BTAF1: variants seen among roughly 807,000 people sequenced by gnomAD.
BTAF1 encodes the protein TATA-binding protein-associated factor 172.
In BTAF1, 38 loss-of-function variants were observed where a neutral mutation model predicts 227.1. The ratio of observed to expected loss-of-function variants is 0.17; its 90% CI spans 0.13 to 0.22. The LOEUF is 0.22. Among genes scored for constraint, BTAF1 ranks in the 10% least tolerant of loss-of-function variants. The pLI is 1.00. For synonymous variants in BTAF1, 742 were observed against 751.9 expected, an observed-to-expected ratio of 0.99 and a Z score of 0.21; for missense variants, 1,598 against 2,204.0, an observed-to-expected ratio of 0.73 and a Z score of 5.51.
At chr10:92,011,686 A>G (rs1250282966) in intron 30 of BTAF1, among the ~76,000 whole-genome samples, 1 of 152,010 alleles carries the variant, frequency 6.6e-6, no homozygotes, top group Non-Finnish European at 1.5e-5. Context: ...ATCAGACTCT[A>G]CTCCACACTG....
intron 25 of BTAF1, among the ~76,000 whole-genome samples, chr10:92,001,226 A>G (rs1849504318): frequency 6.6e-6 from 1 of 152,202 alleles, no homozygotes; most frequent in Admixed American, 6.5e-5. Context: ...AGACAGAATT[A>G]GCAAAACAGA....
Position 91,962,549 on chromosome 10 carries a change from T to TA in BTAF1, c.1276dup (p.Thr426AsnfsTer5). 1 of 1,547,700 alleles carries TA rather than the reference T, an allele frequency of 6.5e-7. No individual in the cohort carries two copies. Among genetic ancestry groups the TA allele is most frequent in the Non-Finnish European group, 8.9e-7 (1 of 1,126,302 alleles). On this transcript the variant is annotated frameshift_variant, in exon 12 of 38. Transcript: ENST00000265990. LOFTEE classifies it high-confidence loss of function. The stretch of plus-strand genomic sequence containing the variant: ...GTACTGTTTTACAGGATGTAATTAA[T>TA]ACTTTATTGCCTAAAGTTTTAACTA...
chr10:91,943,502 A>G (rs929779792), intron 4 of BTAF1, among the ~76,000 whole-genome samples: 1 of 152,224 alleles, frequency 6.6e-6, no homozygotes, highest in African/African-American at 2.4e-5. Context: ...ACAAAACAGA[A>G]TAACACTCTG....
At chr10:91,971,060 TC>T (rs1354633645) in intron 14 of BTAF1, among the ~76,000 whole-genome samples, 9 of 152,366 alleles carry the variant, frequency 5.9e-5, no homozygotes, top group African/African-American at 2.2e-4. Context: ...TCCATATTTT[TC>T]TTCCAGTTAT....
chr10:91,957,119 C>A, intron 7 of BTAF1, 106 bp from the exon 8 acceptor site: 1 of 747,440 alleles, frequency 1.3e-6, no homozygotes, highest in South Asian at 2.5e-5. Context: ...TTTTTAAAAG[C>A]CTGATTGCTA....
rs1849510598 is a variant in BTAF1, at chr10:92,001,303, AG to A, written c.3660+3558del. ...CAGAGAGAAAGCTCCAGAGGTCCACAGGGGGGTTCTCCCAAGCCTTTGGCTG... is the reference window on the plus strand; with the variant it reads ...CAGAGAGAAAGCTCCAGAGGTCCACAGGGGGTTCTCCCAAGCCTTTGGCTG... On this transcript the variant is annotated intron_variant, in intron 25 of 37. Transcript: ENST00000265990. Among the ~76,000 whole-genome samples, 4 of 152,176 alleles carry A rather than the reference AG, an allele frequency of 2.6e-5. No individual in the cohort carries two copies. In the South Asian group the frequency reaches 8.3e-4, roughly 32 times the overall value.
At chr10:91,992,416 A>C in intron 21 of BTAF1, 107 bp downstream of exon 21, 5 of 1,092,030 alleles carry the variant, frequency 4.6e-6, no homozygotes, top group Non-Finnish European at 6.3e-6. Context: ...TTAAGTAAAG[A>C]AATGGGATTA....
chr10:91,974,457 G>T (rs1008162232), intron 14 of BTAF1, among the ~76,000 whole-genome samples: 2 of 152,182 alleles, frequency 1.3e-5, no homozygotes, highest in Non-Finnish European at 2.9e-5. Flanking sequence ...CATGGCATTT[G>T]TGAAAATATA....
chr10:92,016,603 G>A (rs1417541903), intron 33 of BTAF1, 138 bp downstream of exon 33: 2 of 623,650 alleles, frequency 3.2e-6, no homozygotes, highest in Non-Finnish European at 5.1e-6. Context: ...AGACTCCTGA[G>A]TAGCTGGGAG....
At chr10:91,950,197 C>T (rs10509641) in intron 4 of BTAF1, among the ~76,000 whole-genome samples, 12,850 of 150,374 alleles carry the variant, frequency 0.085, 797 homozygotes, top group Non-Finnish European at 0.12. Flanking sequence ...ATTTTAGCTG[C>T]CACGCATTTC....
At chr10:91,982,008 A>C in intron 16 of BTAF1, 75 bp from the exon 17 acceptor site, 1 of 1,484,180 alleles carries the variant, frequency 6.7e-7, no homozygotes, top group South Asian at 1.4e-5. Context: ...TATTTTAAAA[A>C]TATCATATTT....
chr10:92,025,984 A>G (rs1851483992), intron 35 of BTAF1, among the ~76,000 whole-genome samples: 1 of 152,194 alleles, frequency 6.6e-6, no homozygotes, highest in Non-Finnish European at 1.5e-5. Flanking sequence ...CAGTCTCTCT[A>G]AAATAGGGAT....
chr10:91,998,789 G>T (rs982481685), intron 25 of BTAF1, among the ~76,000 whole-genome samples: 2 of 152,142 alleles, frequency 1.3e-5, no homozygotes, highest in African/African-American at 2.4e-5. Flanking sequence ...GGTGGCTCAT[G>T]CCTGTAATCC....
chr10:92,017,006 C>T (rs369643278), intron 33 of BTAF1, among the ~76,000 whole-genome samples: 12 of 152,072 alleles, frequency 7.9e-5, no homozygotes, highest in African/African-American at 2.9e-4. Context: ...AATAGAGAAT[C>T]TTTTGCTTTT....
intron 8 of BTAF1, 96 bp downstream of exon 8, chr10:91,957,389 C>T: frequency 2.0e-6 from 2 of 988,936 alleles, no homozygotes; most frequent in South Asian, 1.8e-5. Flanking sequence ...AGTCCCTATT[C>T]TTCTCTGTTT....
At chr10:92,012,842 A>G (rs1850468076) in intron 30 of BTAF1, among the ~76,000 whole-genome samples, 1 of 152,148 alleles carries the variant, frequency 6.6e-6, no homozygotes, top group African/African-American at 2.4e-5. Flanking sequence ...TGAATTATCA[A>G]GATTTATTGT....
chr10:91,991,832 T>TACACAC (rs1554860575), intron 20 of BTAF1, among the ~76,000 whole-genome samples: 3 of 11,300 alleles, frequency 2.7e-4, no homozygotes, highest in African/African-American at 3.9e-4. Flanking sequence ...TATATATATA[T>TACACAC]ACACACATAT....
intron 34 of BTAF1, 61 bp downstream of exon 34, chr10:92,018,996 A>G: frequency 1.4e-6 from 2 of 1,381,646 alleles, no homozygotes; most frequent in Non-Finnish European, 1.9e-6. Context: ...ATTCTTGGTA[A>G]ATTTGCTTTT....
intron 20 of BTAF1, among the ~76,000 whole-genome samples, chr10:91,991,279 T>TATAAATATATATATATATATATATATAA (rs1554860279): frequency 3.0e-5 from 3 of 98,426 alleles, no homozygotes; most frequent in Non-Finnish European, 4.6e-5. Flanking sequence ...TAAATATATA[T>TATAAATATATATATATATATATATATAA]ATATATATAT....
Sources: allele counts gnomAD v4.1 joint callset (sites outside exome capture counted in the v4.1 genomes callset), GRCh38; gene constraint gnomAD v4.1.1; transcripts MANE v1.5; gene names NCBI Gene and HGNC (gene_info 2026-07-23, HGNC 2026-07-21).